MBOAT1: variants seen among roughly 807,000 people sequenced by gnomAD.
MBOAT1 encodes the protein membrane-bound glycerophospholipid O-acyltransferase 1.
Under a neutral mutation model 64.4 loss-of-function variants are expected in MBOAT1, and 67 were observed. The observed-to-expected ratio is 1.04, with a 90% CI of 0.85 to 1.27. The LOEUF is 1.27. Among genes scored for constraint, MBOAT1 ranks in the 50% most tolerant of loss-of-function variants. MBOAT1 has a pLI of 0.00. For synonymous variants in MBOAT1, 229 were observed against 218.9 expected (o/e 1.05, Z -0.41); for missense variants, 563 against 604.6 (o/e 0.93, Z 0.72).
chr6:20,190,805 C>G (rs1762781317), intron 1 of MBOAT1, among the ~76,000 whole-genome samples: 1 of 152,066 alleles, frequency 6.6e-6, no homozygotes, highest in South Asian at 2.1e-4. Flanking sequence ...ATCAGGCAGC[C>G]AGGAAGTAGT....
chr6:20,114,653 T>A (rs529315333), intron 10 of MBOAT1, among the ~76,000 whole-genome samples: 20 of 152,094 alleles, frequency 1.3e-4, no homozygotes, highest in African/African-American at 4.6e-4. Flanking sequence ...GAGGCCAAGG[T>A]GGGTAGATCA....
In MBOAT1 at chr6:20,118,505, T is replaced by C. The variant is rs150163538; in HGVS notation, c.943A>G (p.Ser315Gly). ...AVNNAAGFGF[S>G]GVDKNGNFCW... is the part of the protein sequence containing the mutation. ...AAATTCCCATTCTTATCCACTCCGC[T>C]GAACCCAAAGCCAGCTGCGTTATTC... The change falls in exon 9 of 13, where the codon AGC becomes GGC. Residue 315 changes from serine to glycine, a missense_variant. Physicochemically the swap from Ser to Gly is moderately conservative, Grantham distance 56 (BLOSUM62 0). Transcript: ENST00000324607. 6.1e-5 allele frequency: 99 copies of C among 1,613,936 alleles called. 1 individual carries two copies. Among genetic ancestry groups the C allele is most frequent in the Non-Finnish European group, 8.1e-5 (96 of 1,180,030 alleles).
chr6:20,161,907 A>C (rs535091129), intron 1 of MBOAT1, among the ~76,000 whole-genome samples: 15 of 152,160 alleles, frequency 9.9e-5, no homozygotes, highest in South Asian at 4.2e-4. Flanking sequence ...ACACAACAGA[A>C]ATTTATTTTT....
At chr6:20,148,577 A>C (rs1365430582) in intron 3 of MBOAT1, among the ~76,000 whole-genome samples, 1 of 152,220 alleles carries the variant, frequency 6.6e-6, no homozygotes, top group Admixed American at 6.5e-5. Flanking sequence ...TTGCGTTCAA[A>C]CTGCTGCAAA....
chr6:20,176,407 G>A (rs957708314), intron 1 of MBOAT1, among the ~76,000 whole-genome samples: 1 of 152,168 alleles, frequency 6.6e-6, no homozygotes, highest in Admixed American at 6.5e-5. Context: ...ACAATACAGT[G>A]TCATGGCTAT....
intron 12 of MBOAT1, among the ~76,000 whole-genome samples, chr6:20,108,273 T>C (rs769705883): frequency 8.9e-4 from 136 of 152,330 alleles, no homozygotes; most frequent in African/African-American, 3.1e-3. Context: ...AGGACTGAAA[T>C]GACTCCTACC....
At position 20,126,499 on chromosome 6, in the gene MBOAT1, T is replaced by C. The variant is rs1760652844; in HGVS notation, c.714+18A>G. On this transcript the variant is annotated intron_variant, in intron 7 of 12. Coordinates refer to ENST00000324607, the MANE Select transcript of MBOAT1 (RefSeq NM_001080480.3). ...ACCCTGGCAGCAAAACCCTATTCTC[T>C]AGACACTAAAAACTTACTGTGGGAG... is the stretch of plus-strand genomic sequence containing the variant. 2 of 1,598,402 alleles carry C rather than the reference T, an allele frequency of 1.3e-6. No individual in the cohort carries two copies. Among genetic ancestry groups the C allele is most frequent in the Admixed American group, 1.8e-5 (1 of 55,012 alleles).
chr6:20,122,582 C>T (rs1030937323), intron 8 of MBOAT1, among the ~76,000 whole-genome samples: 4 of 152,160 alleles, frequency 2.6e-5, no homozygotes, highest in African/African-American at 9.7e-5. Flanking sequence ...CCAAATGTTA[C>T]ATAAATACAG....
intron 1 of MBOAT1, among the ~76,000 whole-genome samples, chr6:20,161,191 A>G (rs1165258646): frequency 1.3e-5 from 2 of 152,096 alleles, no homozygotes; most frequent in African/African-American, 4.8e-5. Flanking sequence ...ATGGTGAACC[A>G]TGCATGCCAG....
In MBOAT1 at chr6:20,113,068, C is replaced by A. The variant is rs141945792; in HGVS notation, c.1077-60G>T. Reference sequence around the variant, plus strand: ...ACATACCAGAAACTTCTAAGTACAGCTGCTGTTTCTTGGATAAGACCATGC... The same window carrying A: ...ACATACCAGAAACTTCTAAGTACAGATGCTGTTTCTTGGATAAGACCATGC... On this transcript the variant is annotated intron_variant, in intron 10 of 12. Coordinates refer to ENST00000324607, the MANE Select transcript of MBOAT1 (RefSeq NM_001080480.3). 1.1e-5 allele frequency: 17 copies of A among 1,573,050 alleles called. 1 individual carries two copies. Among genetic ancestry groups the A allele is most frequent in the South Asian group, 2.4e-5 (2 of 84,542 alleles).
At chr6:20,126,079 A>C (rs897767678) in intron 7 of MBOAT1, among the ~76,000 whole-genome samples, 2 of 152,230 alleles carry the variant, frequency 1.3e-5, no homozygotes, top group African/African-American at 4.8e-5. Flanking sequence ...TAGGCATGCC[A>C]AGGTAAAACT....
intron 1 of MBOAT1, among the ~76,000 whole-genome samples, chr6:20,189,497 C>T (rs562524874): frequency 2.0e-5 from 3 of 152,196 alleles, no homozygotes; most frequent in Non-Finnish European, 4.4e-5. Flanking sequence ...AACTCCTGGG[C>T]CCAAGTGATC....
Position 20,124,568 on chromosome 6 carries a change from C to T in MBOAT1, c.747G>A (p.Leu249=), listed in dbSNP as rs1228484202. 3 of 1,614,140 alleles carry T rather than the reference C, an allele frequency of 1.9e-6. No individual in the cohort carries two copies. The highest frequency in any genetic ancestry group is 2.2e-5 in the South Asian group (2 of 91,074). The stretch of plus-strand genomic sequence containing the variant: ...GCGTCAAAAACAAAAGGAGAGACAC[C>T]AAGGTGATGCCCAACTTGTGTATCA... The part of the protein sequence containing the change: ...GAVIHKLGIT[L]VSLLLFLTLT... The change falls in exon 8 of 13, where the codon TTG becomes TTA. Residue 249 remains leucine (L), a synonymous_variant. Coordinates refer to ENST00000324607, the MANE Select transcript of MBOAT1 (RefSeq NM_001080480.3).
At chr6:20,168,746 G>C in intron 1 of MBOAT1, among the ~76,000 whole-genome samples, 1 of 103,486 alleles carries the variant, frequency 9.7e-6, no homozygotes, top group East Asian at 3.0e-4. Context: ...AGGGAGGGAG[G>C]GAGGAAGGAA....
chr6:20,134,127 C>A (rs1760911152), intron 4 of MBOAT1, among the ~76,000 whole-genome samples: 1 of 152,194 alleles, frequency 6.6e-6, no homozygotes, highest in Non-Finnish European at 1.5e-5. Context: ...ACCTGCATTT[C>A]AATCTGTTGG....
intron 1 of MBOAT1, among the ~76,000 whole-genome samples, chr6:20,181,360 ATTTCT>A (rs1762502567): frequency 2.0e-5 from 3 of 151,952 alleles, no homozygotes; most frequent in Non-Finnish European, 4.4e-5. Flanking sequence ...CCTTTCTTAG[ATTTCT>A]TTTCTTTCTC....
intron 1 of MBOAT1, among the ~76,000 whole-genome samples, chr6:20,190,058 G>A (rs756932707): frequency 1.3e-4 from 20 of 151,812 alleles, no homozygotes; most frequent in African/African-American, 2.9e-4. Context: ...GCAGTGATGC[G>A]ATCTCGGCTC....
intron 1 of MBOAT1, among the ~76,000 whole-genome samples, chr6:20,171,750 G>C (rs1314174864): frequency 2.0e-5 from 3 of 151,868 alleles, no homozygotes; most frequent in East Asian, 3.9e-4. Flanking sequence ...GAAGAAAAAA[G>C]AAGCCAGGCG....
At chr6:20,208,763 T>C (rs1336407655) in intron 1 of MBOAT1, among the ~76,000 whole-genome samples, 1 of 152,122 alleles carries the variant, frequency 6.6e-6, no homozygotes, top group Non-Finnish European at 1.5e-5. Flanking sequence ...ACACACAGTT[T>C]GGGGGCACCA....
Sources: gnomAD v4.1 joint callset for allele counts (sites outside exome capture counted in the v4.1 genomes callset) on GRCh38, gnomAD v4.1.1 for gene constraint, MANE v1.5 for transcripts, NCBI Gene and HGNC (gene_info 2026-07-23, HGNC 2026-07-21) for gene names.